Variants in ABTB3 observed in about 807,000 individuals in gnomAD.
The protein encoded by ABTB3 is ankyrin repeat and BTB domain containing 3, also known as ankyrin repeat- and BTB/POZ domain-containing protein 3.
the ABTB3 span, chr12:107,319,232 C>G: frequency 1.9e-6 from 3 of 1,571,776 alleles, no homozygotes; most frequent in Non-Finnish European, 2.6e-6. Context: ...AGACGAGGTC[C>G]CCTGGACTCT....
At chr12:107,360,282 G>A in the ABTB3 span, among the ~76,000 whole-genome samples, 1 of 152,170 alleles carries the variant, frequency 6.6e-6, no homozygotes, top group East Asian at 1.9e-4. Flanking sequence ...TAAGTGGTTG[G>A]AGAAGGGTGA....
the ABTB3 span, among the ~76,000 whole-genome samples, chr12:107,415,871 G>C: frequency 1.3e-5 from 2 of 152,068 alleles, no homozygotes; most frequent in African/African-American, 4.8e-5. Context: ...TTCATGCCAT[G>C]CTGCCTCGTT....
chr12:107,543,971 C>T, the ABTB3 span: 313 of 1,613,756 alleles, frequency 1.9e-4, 2 homozygotes, highest in East Asian at 2.2e-5. Context: ...CACCTGCAGC[C>T]CCTCAATGCC....
the ABTB3 span, among the ~76,000 whole-genome samples, chr12:107,562,949 A>G: frequency 6.6e-6 from 1 of 152,202 alleles, no homozygotes; most frequent in Non-Finnish European, 1.5e-5. Context: ...GGACCAGGGA[A>G]CATCTGAATG....
the ABTB3 span, among the ~76,000 whole-genome samples, chr12:107,653,177 A>G: frequency 2.6e-5 from 4 of 152,188 alleles, no homozygotes; most frequent in Non-Finnish European, 5.9e-5. Flanking sequence ...AGCTCTGGAC[A>G]GTGACAGTGC....
At chr12:107,400,054 A>G in the ABTB3 span, among the ~76,000 whole-genome samples, 1 of 152,222 alleles carries the variant, frequency 6.6e-6, no homozygotes, top group South Asian at 2.1e-4. Flanking sequence ...TCTATGATGT[A>G]TATGTGCCAG....
At chr12:107,353,730 T>C in the ABTB3 span, among the ~76,000 whole-genome samples, 9 of 152,128 alleles carry the variant, frequency 5.9e-5, no homozygotes, top group African/African-American at 2.2e-4. Flanking sequence ...CCGCCTGAGC[T>C]CTGCCTCCTA....
chr12:107,512,887 A>G, the ABTB3 span, among the ~76,000 whole-genome samples: 866 of 152,300 alleles, frequency 5.7e-3, 29 homozygotes, highest in Admixed American at 0.042. Flanking sequence ...TGAGGTAGGC[A>G]CTATTAATAT....
the ABTB3 span, among the ~76,000 whole-genome samples, chr12:107,518,615 AG>A: frequency 1.1e-5 from 1 of 92,954 alleles, no homozygotes; most frequent in African/African-American, 4.3e-5. Flanking sequence ...GGGTGGGGGG[AG>A]GGGGAAGGGA....
At chr12:107,480,372 T>G in the ABTB3 span, among the ~76,000 whole-genome samples, 1 of 152,130 alleles carries the variant, frequency 6.6e-6, no homozygotes, top group Non-Finnish European at 1.5e-5. Context: ...CTAGAAAGAT[T>G]AGCTTGGCAG....
the ABTB3 span, among the ~76,000 whole-genome samples, chr12:107,510,361 C>T: frequency 2.0e-5 from 3 of 151,956 alleles, no homozygotes; most frequent in Non-Finnish European, 4.4e-5. Flanking sequence ...AAGGCTTACA[C>T]GGTCAGCCCC....
At chr12:107,351,680 C>A in the ABTB3 span, among the ~76,000 whole-genome samples, 1 of 152,172 alleles carries the variant, frequency 6.6e-6, no homozygotes, top group Admixed American at 6.5e-5. Flanking sequence ...TAGGATGCAG[C>A]AAGAGGGCCC....
At chr12:107,500,253 G>A in the ABTB3 span, among the ~76,000 whole-genome samples, 1 of 152,152 alleles carries the variant, frequency 6.6e-6, no homozygotes, top group Non-Finnish European at 1.5e-5. Context: ...AAGAGCCTGC[G>A]CCCGCTCCCC....
chr12:107,521,417 A>G, the ABTB3 span, among the ~76,000 whole-genome samples: 1 of 151,718 alleles, frequency 6.6e-6, no homozygotes, highest in Non-Finnish European at 1.5e-5. Context: ...GCCTTTGCTG[A>G]CTCTCTTCAT....
chr12:107,405,102 A>C, the ABTB3 span, among the ~76,000 whole-genome samples: 2 of 152,188 alleles, frequency 1.3e-5, no homozygotes, highest in Admixed American at 6.5e-5. Context: ...GAAGTAGACA[A>C]GGCACTGGTT....
At chr12:107,544,648 G>A in the ABTB3 span, among the ~76,000 whole-genome samples, 5 of 152,138 alleles carry the variant, frequency 3.3e-5, no homozygotes, top group Non-Finnish European at 7.4e-5. Context: ...GAGAGGACCC[G>A]GAGGCTGCCT....
the ABTB3 span, among the ~76,000 whole-genome samples, chr12:107,615,909 C>A: frequency 1.3e-5 from 2 of 152,142 alleles, no homozygotes; most frequent in Non-Finnish European, 2.9e-5. Flanking sequence ...TGAGGTTGGG[C>A]ACATCAGGAA....
the ABTB3 span, among the ~76,000 whole-genome samples, chr12:107,623,663 G>C: frequency 2.5e-4 from 38 of 152,154 alleles, no homozygotes; most frequent in African/African-American, 9.2e-4. Context: ...CACCACATCC[G>C]GCCTCTAGCT....
chr12:107,615,226 A>G, the ABTB3 span: 5 of 1,300,488 alleles, frequency 3.8e-6, no homozygotes, highest in East Asian at 7.0e-5. Flanking sequence ...ACACACATCT[A>G]TACCTCTCCC....
Sources: allele counts gnomAD v4.1 joint callset (sites outside exome capture counted in the v4.1 genomes callset), GRCh38; gene constraint gnomAD v4.1.1; transcripts MANE v1.5; gene names NCBI Gene and HGNC (gene_info 2026-07-23, HGNC 2026-07-21).